The following PKP4 variants were observed in gnomAD, a reference collection of about 807,000 sequenced individuals.
PKP4 encodes plakophilin-4.
In PKP4, 90 loss-of-function variants were observed where a neutral mutation model predicts 145.1. That is an observed-to-expected ratio of 0.62 (90% CI 0.52 to 0.74). PKP4 has a LOEUF of 0.74. PKP4 is among the 30% of genes least tolerant of loss of function. PKP4 has a pLI of 0.00. For missense variants in PKP4, 1,340 were observed against 1,482.7 expected, an observed-to-expected ratio of 0.90 and a Z score of 1.58; for synonymous variants, 563 against 577.2, an observed-to-expected ratio of 0.98 and a Z score of 0.35.
chr2:158,666,428 C>T lies in PKP4; in HGVS notation c.2593C>T (p.Arg865Trp), dbSNP rs2057090175. ...TTCTCACTAGTTTGCAGCATATATC[C>T]GGGCGGCCGTCCGAAAAGAAAAGGG... is the stretch of plus-strand genomic sequence containing the variant. ...AGNWKFAAYIRAAVRKEKGLP... is the reference protein window; with the variant it reads ...AGNWKFAAYIWAAVRKEKGLP... The change falls in exon 16 of 22, where the codon CGG becomes TGG. Residue 865 changes from arginine (R) to tryptophan (W), a missense_variant. Coordinates refer to ENST00000389759, the MANE Select transcript of PKP4 (RefSeq NM_003628.6). The T allele has an allele frequency of 3.1e-6, 5 of 1,605,186 alleles. No individual in the cohort carries two copies. The highest frequency in any genetic ancestry group is 1.1e-5 in the South Asian group (1 of 88,858).
chr2:158,642,714 T>G lies in PKP4; in HGVS notation c.1909+15T>G. ...GCTTGTTACAGGTAGGTATAGAATG[T>G]GATCTCGTCCTAGAGGAAATGTTGA... On this transcript the variant is annotated intron_variant, in intron 11 of 21. Transcript: ENST00000389759. 1.3e-6 allele frequency: 2 copies of G among 1,554,564 alleles called. No individual in the cohort carries two copies. The highest frequency in any genetic ancestry group is 1.2e-5 in the South Asian group (1 of 84,184).
chr2:158,557,071 T>C (rs191248427), intron 2 of PKP4, among the ~76,000 whole-genome samples: 80 of 119,354 alleles, frequency 6.7e-4, no homozygotes, highest in Non-Finnish European at 1.3e-3. Flanking sequence ...TAGACATTCA[T>C]GATCTACACC....
intron 2 of PKP4, among the ~76,000 whole-genome samples, chr2:158,565,031 A>G (rs996379052): frequency 6.6e-6 from 1 of 152,236 alleles, no homozygotes; most frequent in African/African-American, 2.4e-5. Context: ...TGGAAAGAGC[A>G]AGAATTTAGA....
intron 2 of PKP4, among the ~76,000 whole-genome samples, chr2:158,576,535 C>T (rs2047869199): frequency 6.6e-6 from 1 of 152,180 alleles, no homozygotes; most frequent in Non-Finnish European, 1.5e-5. Flanking sequence ...GAGAGAAATA[C>T]AAATAAAGTT....
At chr2:158,471,379 A>G (rs1169218175) in intron 1 of PKP4, among the ~76,000 whole-genome samples, 3 of 152,242 alleles carry the variant, frequency 2.0e-5, no homozygotes, top group African/African-American at 7.2e-5. Context: ...AGATTCCTGG[A>G]TTAAATTTAG....
At chr2:158,489,252 G>C (rs577869994) in intron 1 of PKP4, among the ~76,000 whole-genome samples, 9 of 151,918 alleles carry the variant, frequency 5.9e-5, no homozygotes, top group African/African-American at 2.2e-4. Context: ...GCATATCTGG[G>C]CTTCTCTTTT....
chr2:158,506,607 T>C (rs535207263), intron 1 of PKP4, among the ~76,000 whole-genome samples: 1 of 152,366 alleles, frequency 6.6e-6, no homozygotes, highest in East Asian at 1.9e-4. Context: ...TAGTTTCTAC[T>C]CTCTTTAAAT....
In PKP4 at chr2:158,621,498, C is replaced by T. The variant is rs1354172274; in HGVS notation, c.603+77C>T. 1.4e-5 allele frequency: 18 copies of T among 1,290,710 alleles called. No homozygotes were observed. In the East Asian group the frequency reaches 4.5e-4, roughly 32 times the overall value. 80.0% of individuals were successfully genotyped at this position (1,290,710 alleles called of 1,614,324 possible). On this transcript the variant is annotated intron_variant, in intron 6 of 21. Transcript: ENST00000389759. ...CAGTGGCTCATGCCTGTAATCCCAG[C>T]ATTTTGGGAGGCCGAGGCGGGTGGA...
chr2:158,633,945 T>C, intron 8 of PKP4, 125 bp from the exon 9 acceptor site: 1 of 600,980 alleles, frequency 1.7e-6, no homozygotes, highest in Non-Finnish European at 3.0e-6. Context: ...TTTTAAAATC[T>C]AAAAGTAAGC....
intron 2 of PKP4, among the ~76,000 whole-genome samples, chr2:158,577,037 G>T (rs1009712278): frequency 6.6e-6 from 1 of 152,068 alleles, no homozygotes; most frequent in Non-Finnish European, 1.5e-5. Flanking sequence ...GGCAAATAAA[G>T]ATCTACATGG....
At chr2:158,566,900 A>G (rs1251178120) in intron 2 of PKP4, among the ~76,000 whole-genome samples, 2 of 152,204 alleles carry the variant, frequency 1.3e-5, no homozygotes, top group Admixed American at 1.3e-4. Flanking sequence ...GAAAAAGTAA[A>G]TGAAAATAAA....
intron 7 of PKP4, among the ~76,000 whole-genome samples, chr2:158,630,495 A>T (rs1359998182): frequency 1.3e-5 from 2 of 152,258 alleles, no homozygotes; most frequent in Admixed American, 1.3e-4. Context: ...ATTTCATAAT[A>T]ATGTTAGTTC....
chr2:158,492,483 G>A (rs1044420918), intron 1 of PKP4, among the ~76,000 whole-genome samples: 4 of 152,088 alleles, frequency 2.6e-5, no homozygotes, highest in African/African-American at 9.7e-5. Context: ...CCAGAGAGCT[G>A]TACTGGCACC....
At chr2:158,513,760 A>T (rs1406343790) in intron 1 of PKP4, among the ~76,000 whole-genome samples, 2 of 152,078 alleles carry the variant, frequency 1.3e-5, no homozygotes, top group Non-Finnish European at 2.9e-5. Context: ...AAGGCTGTGG[A>T]GACAATCCAT....
intron 4 of PKP4, among the ~76,000 whole-genome samples, chr2:158,610,049 C>G (rs2050996113): frequency 6.6e-6 from 1 of 152,184 alleles, no homozygotes; most frequent in Non-Finnish European, 1.5e-5. Context: ...TTATTATTAT[C>G]TTGACTTTTG....
At chr2:158,541,875 C>G (rs1279833823) in intron 2 of PKP4, among the ~76,000 whole-genome samples, 1 of 152,072 alleles carries the variant, frequency 6.6e-6, no homozygotes, top group African/African-American at 2.4e-5. Flanking sequence ...TTCTAAGAGC[C>G]TAAACCAAGA....
intron 2 of PKP4, among the ~76,000 whole-genome samples, chr2:158,565,443 T>A (rs1448851499): frequency 1.3e-5 from 2 of 150,746 alleles, no homozygotes; most frequent in African/African-American, 4.9e-5. Flanking sequence ...TCCTTTTTTT[T>A]TTTTTTTTCC....
intron 1 of PKP4, chr2:158,458,441 G>C (rs1229582807): frequency 6.6e-6 from 1 of 152,386 alleles, no homozygotes; most frequent in African/African-American, 2.4e-5. Flanking sequence ...CCGTGAATTT[G>C]GGGCCGATGA....
chr2:158,590,824 G>A (rs181187372), intron 3 of PKP4, among the ~76,000 whole-genome samples: 4 of 152,172 alleles, frequency 2.6e-5, no homozygotes, highest in Admixed American at 2.6e-4. Context: ...TCATCAGCTG[G>A]AAAGGTAGTG....
Sources: allele counts gnomAD v4.1 joint callset (sites outside exome capture counted in the v4.1 genomes callset), GRCh38; gene constraint gnomAD v4.1.1; transcripts MANE v1.5; gene names NCBI Gene and HGNC (gene_info 2026-07-23, HGNC 2026-07-21).